Variants in MDGA2 observed in about 807,000 individuals in gnomAD.
MDGA2 encodes MAM domain containing glycosylphosphatidylinositol anchor 2.
In MDGA2, 40 loss-of-function variants were observed where a neutral mutation model predicts 117.8. The ratio of observed to expected loss-of-function variants is 0.34; its 90% CI spans 0.26 to 0.44. MDGA2 has a LOEUF of 0.44. MDGA2 is among the 20% of genes least tolerant of loss of function. The pLI is 1.00. For missense variants in MDGA2, 1,123 were observed against 1,250.6 expected (o/e 0.90, Z 1.54); for synonymous variants, 452 against 439.0 (o/e 1.03, Z -0.37).
At chr14:47,461,269 A>ATGTGTGTGTGTGTGTGTGTGTGTGTG (rs55889646) in intron 1 of MDGA2, among the ~76,000 whole-genome samples, 57 of 142,942 alleles carry the variant, frequency 4.0e-4, no homozygotes, top group East Asian at 1.7e-3. Flanking sequence ...AAAAAAATGT[A>ATGTGTGTGTGTGTGTGTGTGTGTGTG]TGTGTGTGTG....
At chr14:47,096,136 G>A (rs1041391087) in intron 6 of MDGA2, among the ~76,000 whole-genome samples, 1 of 151,986 alleles carries the variant, frequency 6.6e-6, no homozygotes, top group Non-Finnish European at 1.5e-5. Flanking sequence ...TTGACTTAGT[G>A]ACTTACATTT....
chr14:47,343,064 C>T (rs1469433785), intron 1 of MDGA2: 4 of 1,283,280 alleles, frequency 3.1e-6, no homozygotes, highest in Non-Finnish European at 3.0e-6. Flanking sequence ...GCGGCAGATC[C>T]CAAGGGATTC....
rs1890315655 is a variant in MDGA2 at position 47,332,304 on chromosome 14, C to T, written c.281-30754G>A. Among the ~76,000 whole-genome samples, 5 of 152,120 alleles carry T rather than the reference C, an allele frequency of 3.3e-5. No homozygotes were observed. In the South Asian group the frequency reaches 1.0e-3, roughly 31 times the overall value. On this transcript the variant is annotated intron_variant, in intron 1 of 16. Coordinates refer to ENST00000399232, the MANE Select transcript of MDGA2 (RefSeq NM_001113498.3). ...TTGCATTCAGAAACTGGCCAAGTGA[C>T]CACACTGGCCTTACTCCAGTCACTT...
rs1008021393 is a variant in MDGA2 at position 47,641,277 on chromosome 14, G to C, written c.280+33240C>G. Among the ~76,000 whole-genome samples the C allele has an allele frequency of 2.0e-5, 3 of 151,942 alleles. No homozygotes were observed. In the East Asian group the frequency reaches 5.8e-4, roughly 29 times the overall value. On this transcript the variant is annotated intron_variant, in intron 1 of 16. Coordinates refer to ENST00000399232, the MANE Select transcript of MDGA2 (RefSeq NM_001113498.3). ...CACGTCTGGTCTAAAGGACAAAACA[G>C]GTTCCTTAGTCAAGTATATGCAAGT...
intron 8 of MDGA2, among the ~76,000 whole-genome samples, chr14:46,974,038 T>G (rs1328576556): frequency 6.6e-6 from 1 of 151,856 alleles, no homozygotes; most frequent in Non-Finnish European, 1.5e-5. Context: ...CACACCCAGC[T>G]AATCAGCTGC....
At chr14:47,090,081 T>TCTA (rs1455757619) in intron 6 of MDGA2, among the ~76,000 whole-genome samples, 8 of 152,132 alleles carry the variant, frequency 5.3e-5, no homozygotes, top group African/African-American at 1.9e-4. Context: ...AATTTAGAAA[T>TCTA]ATTAGCAGTG....
intron 10 of MDGA2, among the ~76,000 whole-genome samples, chr14:46,903,574 A>G (rs1049389202): frequency 6.6e-6 from 1 of 152,290 alleles, no homozygotes; most frequent in East Asian, 1.9e-4. Flanking sequence ...TCCCCTCTTC[A>G]TCTTTACTAT....
chr14:47,217,665 T>C (rs1377775857), intron 3 of MDGA2, among the ~76,000 whole-genome samples: 2 of 151,984 alleles, frequency 1.3e-5, no homozygotes, highest in Admixed American at 6.6e-5. Flanking sequence ...TTAAAGAATA[T>C]ACAGCATGAT....
chr14:47,019,601 T>TC (rs1888211642), intron 8 of MDGA2, among the ~76,000 whole-genome samples: 1 of 152,124 alleles, frequency 6.6e-6, no homozygotes, highest in Non-Finnish European at 1.5e-5. Context: ...CCCAGCACTT[T>TC]GGAAGGCCGA....
At chr14:47,116,304 G>T (rs2416025) in intron 5 of MDGA2, among the ~76,000 whole-genome samples, 20,916 of 152,032 alleles carry the variant, frequency 0.14, 1,668 homozygotes, top group African/African-American at 0.19. Flanking sequence ...TTATGGATTG[G>T]AAGACTTAAT....
intron 1 of MDGA2, among the ~76,000 whole-genome samples, chr14:47,416,981 C>A (rs1412271343): frequency 6.6e-6 from 1 of 152,176 alleles, no homozygotes; most frequent in Non-Finnish European, 1.5e-5. Flanking sequence ...ACCATCATCT[C>A]AGAAAACATA....
chr14:46,931,219 A>T (rs1317318852), intron 9 of MDGA2, among the ~76,000 whole-genome samples: 1 of 150,798 alleles, frequency 6.6e-6, no homozygotes, highest in African/African-American at 2.4e-5. Flanking sequence ...CATCTCAAAA[A>T]AAAAAAAAAA....
chr14:47,341,075 T>A (rs1285273381), intron 1 of MDGA2, among the ~76,000 whole-genome samples: 1 of 152,198 alleles, frequency 6.6e-6, no homozygotes, highest in Non-Finnish European at 1.5e-5. Flanking sequence ...AGCTTGTTGT[T>A]GCTTTCTATA....
intron 1 of MDGA2, among the ~76,000 whole-genome samples, chr14:47,438,466 C>T (rs1466234598): frequency 6.6e-6 from 1 of 152,188 alleles, no homozygotes; most frequent in Non-Finnish European, 1.5e-5. Context: ...GAAATGGGAG[C>T]TGTTTAGAGC....
intron 2 of MDGA2, among the ~76,000 whole-genome samples, chr14:47,284,776 T>C (rs1888615075): frequency 6.7e-6 from 1 of 149,970 alleles, no homozygotes; most frequent in Non-Finnish European, 1.5e-5. Flanking sequence ...GTTAATGCTC[T>C]CCTGTGGTAA....
chr14:47,430,852 A>G (rs1892784279), intron 1 of MDGA2, among the ~76,000 whole-genome samples: 1 of 152,098 alleles, frequency 6.6e-6, no homozygotes, highest in Non-Finnish European at 1.5e-5. Flanking sequence ...CTGTTTGACT[A>G]GGGGCAAGTT....
At chr14:47,542,872 A>G (rs1895380314) in intron 1 of MDGA2, among the ~76,000 whole-genome samples, 1 of 152,220 alleles carries the variant, frequency 6.6e-6, no homozygotes, top group Non-Finnish European at 1.5e-5. Flanking sequence ...GATATTGACA[A>G]CTGGATAATA....
intron 1 of MDGA2, among the ~76,000 whole-genome samples, chr14:47,557,879 C>T (rs1895714544): frequency 6.6e-6 from 1 of 152,176 alleles, no homozygotes; most frequent in African/African-American, 2.4e-5. Flanking sequence ...AAACTCACCT[C>T]TCCACATTGT....
intron 1 of MDGA2, among the ~76,000 whole-genome samples, chr14:47,420,043 G>A (rs1892547682): frequency 1.3e-5 from 2 of 152,148 alleles, no homozygotes; most frequent in African/African-American, 4.8e-5. Flanking sequence ...ATAAGGATTA[G>A]TGGGTAAATT....
Sources: gnomAD v4.1 joint callset for allele counts (sites outside exome capture counted in the v4.1 genomes callset) on GRCh38, gnomAD v4.1.1 for gene constraint, MANE v1.5 for transcripts, NCBI Gene and HGNC (gene_info 2026-07-23, HGNC 2026-07-21) for gene names.